Variants in LRMDA observed in about 807,000 individuals in gnomAD.
LRMDA encodes the protein leucine rich melanocyte differentiation associated.
In LRMDA, 18 loss-of-function variants were observed where a neutral mutation model predicts 29.8. The observed-to-expected ratio is 0.60, with a 90% confidence interval of 0.42 to 0.90. The LOEUF (loss-of-function observed/expected upper bound fraction) is 0.90. LRMDA is among the 40% of genes least tolerant of loss of function. The pLI is 0.00. For missense variants in LRMDA, 273 were observed against 273.9 expected (o/e 1.00, Z 0.02); for synonymous variants, 125 against 109.4 (o/e 1.14, Z -0.89).
intron 5 of LRMDA, among the ~76,000 whole-genome samples, chr10:76,179,516 C>T (rs1484744066): frequency 6.6e-6 from 1 of 151,926 alleles, no homozygotes; most frequent in African/African-American, 2.4e-5. Context: ...CTGGGAGGAT[C>T]GGGAGCTTAT....
intron 2 of LRMDA, among the ~76,000 whole-genome samples, chr10:75,448,933 C>T (rs952580265): frequency 6.6e-6 from 1 of 152,166 alleles, no homozygotes; most frequent in Non-Finnish European, 1.5e-5. Flanking sequence ...GGGCAGATCA[C>T]TTGAGGTCAG....
chr10:75,698,999 G>A (rs1033250174), intron 2 of LRMDA, among the ~76,000 whole-genome samples: 4 of 152,170 alleles, frequency 2.6e-5, no homozygotes, highest in Admixed American at 2.6e-4. Context: ...TCAGGAGCTC[G>A]AGACCAGCTT....
intron 5 of LRMDA, among the ~76,000 whole-genome samples, chr10:76,249,558 A>T (rs1273819389): frequency 6.6e-6 from 1 of 152,256 alleles, no homozygotes; most frequent in Non-Finnish European, 1.5e-5. Flanking sequence ...TCCTACAGCC[A>T]AGAGAAAACT....
At chr10:76,078,028 T>TTTTTTTTTTGTG (rs1848988444) in intron 5 of LRMDA, among the ~76,000 whole-genome samples, 1 of 110,848 alleles carries the variant, frequency 9.0e-6, no homozygotes, top group Non-Finnish European at 1.8e-5. Context: ...TTTTTTTTTT[T>TTTTTTTTTTGTG]GAGATGGAGT....
At chr10:76,326,854 TG>T (rs1385082051) in intron 6 of LRMDA, among the ~76,000 whole-genome samples, 1 of 152,226 alleles carries the variant, frequency 6.6e-6, no homozygotes, top group Non-Finnish European at 1.5e-5. Context: ...ATCTGTTGCT[TG>T]TAGATAATCC....
At chr10:75,765,846 T>G (rs1034171614) in intron 2 of LRMDA, among the ~76,000 whole-genome samples, 2 of 148,806 alleles carry the variant, frequency 1.3e-5, no homozygotes, top group Non-Finnish European at 3.0e-5. Context: ...GCCCACTGTG[T>G]GTCATGATGC....
intron 5 of LRMDA, among the ~76,000 whole-genome samples, chr10:76,078,596 G>A (rs1241022432): frequency 6.6e-6 from 1 of 152,088 alleles, no homozygotes; most frequent in Admixed American, 6.5e-5. Flanking sequence ...AGCACTTTGG[G>A]AAGCTGAGAC....
intron 5 of LRMDA, among the ~76,000 whole-genome samples, chr10:76,205,164 T>G (rs1333528822): frequency 1.3e-5 from 2 of 152,250 alleles, no homozygotes; most frequent in Non-Finnish European, 2.9e-5. Flanking sequence ...CCTAAGTAAC[T>G]TTCTCTGGAA....
intron 5 of LRMDA, among the ~76,000 whole-genome samples, chr10:76,265,653 T>C (rs1305901584): frequency 2.0e-5 from 3 of 152,198 alleles, no homozygotes; most frequent in Non-Finnish European, 4.4e-5. Flanking sequence ...AGAAGACCCA[T>C]CAGGCCCTTA....
At chr10:75,433,542 T>TTTTG (rs556877972) in intron 1 of LRMDA, among the ~76,000 whole-genome samples, 180 of 152,180 alleles carry the variant, frequency 1.2e-3, no homozygotes, top group East Asian at 2.3e-3. Context: ...GAGGTGGTTT[T>TTTTG]TTTGTTTGTT....
At chr10:76,213,577 G>A (rs1851673576) in intron 5 of LRMDA, among the ~76,000 whole-genome samples, 1 of 152,124 alleles carries the variant, frequency 6.6e-6, no homozygotes, top group South Asian at 2.1e-4. Context: ...GTTTCTTTCA[G>A]CCATCACCTA....
chr10:75,687,934 G>C (rs907908752), intron 2 of LRMDA, among the ~76,000 whole-genome samples: 13 of 152,086 alleles, frequency 8.5e-5, no homozygotes, highest in African/African-American at 2.9e-4. Flanking sequence ...GAGCACATCT[G>C]TTTACAACAT....
intron 6 of LRMDA, among the ~76,000 whole-genome samples, chr10:76,433,163 A>G (rs1270076032): frequency 6.6e-6 from 1 of 152,198 alleles, no homozygotes; most frequent in Non-Finnish European, 1.5e-5. Flanking sequence ...CCAGGGTGGC[A>G]GTGGGGCCTG....
At chr10:76,212,256 C>A (rs1281094400) in intron 5 of LRMDA, among the ~76,000 whole-genome samples, 2 of 149,358 alleles carry the variant, frequency 1.3e-5, no homozygotes, top group African/African-American at 2.5e-5. Context: ...CACACACACA[C>A]ACACACACAC....
intron 2 of LRMDA, among the ~76,000 whole-genome samples, chr10:75,783,585 T>G (rs961983665): frequency 6.6e-6 from 1 of 152,010 alleles, no homozygotes. Flanking sequence ...CAGCTTTAGA[T>G]GAGGCTTAGG....
At chr10:76,543,316 CTGTGTGTGTGTGTG>C (rs71028203) in intron 6 of LRMDA, among the ~76,000 whole-genome samples, 4,353 of 144,190 alleles carry the variant, frequency 0.03, 85 homozygotes, top group South Asian at 0.11. Flanking sequence ...TGGGGTGTGC[CTGTGTGTGTGTGTG>C]TGTGTGTGTG....
chr10:75,549,987 T>A (rs1193198984), intron 2 of LRMDA, among the ~76,000 whole-genome samples: 1 of 152,200 alleles, frequency 6.6e-6, no homozygotes. Flanking sequence ...TGTTTCTTTT[T>A]ATTGTTGAGT....
At chr10:76,046,705 A>G (rs1848444740) in intron 3 of LRMDA, among the ~76,000 whole-genome samples, 1 of 152,122 alleles carries the variant, frequency 6.6e-6, no homozygotes, top group African/African-American at 2.4e-5. Flanking sequence ...GCTGGTCTCA[A>G]ACTCCTGACC....
At chr10:76,552,640 A>AT (rs1827688494) in intron 6 of LRMDA, among the ~76,000 whole-genome samples, 1 of 152,246 alleles carries the variant, frequency 6.6e-6, no homozygotes, top group African/African-American at 2.4e-5. Flanking sequence ...TGTTTTACAA[A>AT]TGGGGAAACC....
Sources: gnomAD v4.1 joint callset for allele counts (sites outside exome capture counted in the v4.1 genomes callset) on GRCh38, gnomAD v4.1.1 for gene constraint, MANE v1.5 for transcripts, NCBI Gene and HGNC (gene_info 2026-07-23, HGNC 2026-07-21) for gene names.